The following SLC14A2 variants were observed in gnomAD, a reference collection of about 807,000 sequenced individuals.
SLC14A2 encodes the protein solute carrier family 14 member 2, also known as urea transporter 2.
A neutral mutation model predicts 104.6 loss-of-function variants in SLC14A2; 91 were observed. The observed-to-expected ratio is 0.87, with a 90% confidence interval of 0.73 to 1.04. The LOEUF is 1.04. Among genes scored for constraint, SLC14A2 ranks in the 50% least tolerant of loss-of-function variants. SLC14A2 has a pLI of 0.00. For missense variants in SLC14A2, 1,189 were observed against 1,156.0 expected, an observed-to-expected ratio of 1.03 and a Z score of -0.41; for synonymous variants, 476 against 466.4, an observed-to-expected ratio of 1.02 and a Z score of -0.27.
intron 1 of SLC14A2, among the ~76,000 whole-genome samples, chr18:45,260,930 C>T (rs1031909381): frequency 1.3e-5 from 2 of 152,136 alleles, no homozygotes; most frequent in Non-Finnish European, 2.9e-5. Flanking sequence ...GTACCCCAAA[C>T]CTCAGCATCG....
chr18:45,408,015 A>G lies in SLC14A2; in HGVS notation c.-124-75218A>G, dbSNP rs2086175123. ...TGTTGGAAAAAAATGGTGCCAGCAG[A>G]CTTGTTCAAGGCAGGGTTGCCACAA... On this transcript the variant is annotated intron_variant, in intron 1 of 20. Coordinates refer to the SLC14A2 transcript ENST00000586448. Among the ~76,000 whole-genome samples, 3 of 152,234 alleles carry G rather than the reference A, an allele frequency of 2.0e-5. 1 individual carries two copies. The South Asian group carries it at 6.2e-4, about 31-fold the overall frequency.
intron 2 of SLC14A2, among the ~76,000 whole-genome samples, chr18:45,606,883 G>T (rs923027066): frequency 1.3e-5 from 2 of 152,032 alleles, no homozygotes; most frequent in Non-Finnish European, 2.9e-5. Context: ...TTCCGCCACA[G>T]GAATTTTCCA....
rs370081713 is a variant in SLC14A2 at position 45,645,622 on chromosome 18, T to TATACATATATATATATATATATATATAC, written c.1351+1463_1351+1464insTACATATATATATATATATATATATACA. ...CATTTGGTCTTTTTAAATATATATA[T>TATACATATATATATATATATATATATAC]ACATATACAAAGATATATATAGATC... is the stretch of plus-strand genomic sequence containing the variant. On this transcript the variant is annotated intron_variant, in intron 10 of 19. Transcript: ENST00000255226. 6.7e-4 allele frequency among the ~76,000 whole-genome samples: 91 copies of TATACATATATATATATATATATATATAC among 134,830 alleles called. 2 individuals are homozygous for TATACATATATATATATATATATATATAC. The highest frequency in any genetic ancestry group is 3.8e-3 in the East Asian group (18 of 4,764). The allele number at this position is 134,830 out of a possible 152,430, so 88.5% of individuals were successfully genotyped here.
At chr18:45,521,001 T>G (rs11875613) in intron 2 of SLC14A2, among the ~76,000 whole-genome samples, 53,422 of 151,996 alleles carry the variant, frequency 0.35, 10,336 homozygotes, top group African/African-American at 0.52. Context: ...TCTGAGATAC[T>G]CTAGAATCTT....
At chr18:45,247,073 A>C (rs1359461248) in intron 1 of SLC14A2, among the ~76,000 whole-genome samples, 1 of 152,204 alleles carries the variant, frequency 6.6e-6, no homozygotes, top group African/African-American at 2.4e-5. Flanking sequence ...TGTCAGATTA[A>C]CAGAACATCA....
intron 1 of SLC14A2, among the ~76,000 whole-genome samples, chr18:45,300,540 G>A (rs2084958257): frequency 6.6e-6 from 1 of 152,066 alleles, no homozygotes; most frequent in African/African-American, 2.4e-5. Context: ...ATCAGAAAAA[G>A]TTCATTACCC....
chr18:45,366,908 G>C (rs184307476), intron 1 of SLC14A2, among the ~76,000 whole-genome samples: 1 of 152,350 alleles, frequency 6.6e-6, no homozygotes, highest in Admixed American at 6.5e-5. Context: ...TAACGGACCT[G>C]TGAGAGAGTA....
At chr18:45,633,512 A>G (rs1241786567) in intron 5 of SLC14A2, among the ~76,000 whole-genome samples, 2 of 152,188 alleles carry the variant, frequency 1.3e-5, no homozygotes, top group African/African-American at 4.8e-5. Flanking sequence ...CATTCACACA[A>G]TGATTCTTAG....
At chr18:45,499,702 G>A (rs1157221320) in intron 2 of SLC14A2, among the ~76,000 whole-genome samples, 2 of 152,172 alleles carry the variant, frequency 1.3e-5, no homozygotes, top group Non-Finnish European at 2.9e-5. Context: ...AGAGGGGCCA[G>A]GAGGGTGTCA....
chr18:45,363,063 AC>A (rs1195445426), intron 1 of SLC14A2, among the ~76,000 whole-genome samples: 5 of 150,970 alleles, frequency 3.3e-5, no homozygotes. Context: ...CTGTGCAACG[AC>A]CCCCCCAACC....
At chr18:45,240,774 C>T (rs979115898) in intron 1 of SLC14A2, among the ~76,000 whole-genome samples, 3 of 152,022 alleles carry the variant, frequency 2.0e-5, no homozygotes, top group Admixed American at 2.0e-4. Context: ...TCTCCTGCCT[C>T]AGCCTGCCGA....
chr18:45,480,569 A>G (rs939728635), intron 1 of SLC14A2, among the ~76,000 whole-genome samples: 1 of 152,234 alleles, frequency 6.6e-6, no homozygotes, highest in Non-Finnish European at 1.5e-5. Context: ...CTCTGCCCAC[A>G]GCCAGGTACA....
chr18:45,420,807 C>T (rs2086337135), intron 1 of SLC14A2, among the ~76,000 whole-genome samples: 4 of 149,390 alleles, frequency 2.7e-5, no homozygotes, highest in Admixed American at 2.7e-4. Flanking sequence ...GTTGTGTGAT[C>T]TTGGCTCACG....
chr18:45,506,780 C>G (rs1369452506), intron 2 of SLC14A2, among the ~76,000 whole-genome samples: 1 of 152,146 alleles, frequency 6.6e-6, no homozygotes, highest in Non-Finnish European at 1.5e-5. Flanking sequence ...GCTGAAGTAC[C>G]GAGTTTATTG....
intron 4 of SLC14A2, among the ~76,000 whole-genome samples, chr18:45,629,365 T>C (rs1033985538): frequency 6.6e-6 from 1 of 152,194 alleles, no homozygotes; most frequent in East Asian, 1.9e-4. Context: ...AAAAATGGGC[T>C]CCAGCCAGGT....
intron 2 of SLC14A2, among the ~76,000 whole-genome samples, chr18:45,564,900 C>T (rs2044245761): frequency 1.3e-5 from 2 of 152,018 alleles, no homozygotes; most frequent in Non-Finnish European, 2.9e-5. Flanking sequence ...TCAAACATGA[C>T]AAGGTAACTA....
Position 45,234,841 on chromosome 18 carries a change from CT to C in SLC14A2, c.-125+21659del, listed in dbSNP as rs199740276. Among the ~76,000 whole-genome samples, 1,206 of 151,390 alleles carry C rather than the reference CT, an allele frequency of 8.0e-3. 9 individuals carry two copies. The highest frequency in any genetic ancestry group is 0.028 in the Middle Eastern group (8 of 290). ...GCATTTTGTTTTTATTATTTAGCGC[CT>C]TTTTTTTTCTTTTCAAAATACATGT... On this transcript the variant is annotated intron_variant, in intron 1 of 20. Transcript: ENST00000586448.
At chr18:45,484,783 TTTC>T (rs2087567328) in intron 2 of SLC14A2, among the ~76,000 whole-genome samples, 1 of 147,952 alleles carries the variant, frequency 6.8e-6, no homozygotes, top group Non-Finnish European at 1.5e-5. Flanking sequence ...TTGGTTGGTT[TTTC>T]TTTTTTTGAG....
At chr18:45,285,479 G>A (rs546669813) in intron 1 of SLC14A2, among the ~76,000 whole-genome samples, 74 of 152,174 alleles carry the variant, frequency 4.9e-4, no homozygotes, top group Non-Finnish European at 9.4e-4. Context: ...ATGCAGTGGT[G>A]CAATCTCGGC....
Sources: allele counts gnomAD v4.1 joint callset (sites outside exome capture counted in the v4.1 genomes callset), GRCh38; gene constraint gnomAD v4.1.1; transcripts MANE v1.5; gene names NCBI Gene and HGNC (gene_info 2026-07-23, HGNC 2026-07-21).